PIAS2: variants seen among roughly 807,000 people sequenced by gnomAD.
PIAS2 encodes the protein E3 SUMO-protein ligase PIAS2.
A neutral mutation model predicts 69.7 loss-of-function variants in PIAS2; 19 were observed. The ratio of observed to expected loss-of-function variants is 0.27; its 90% CI spans 0.19 to 0.40. The LOEUF is 0.40. Among genes scored for constraint, PIAS2 ranks in the 10% least tolerant of loss-of-function variants. The probability of loss-of-function intolerance (pLI) is 1.00; values close to 1 mark genes in which losing one functional copy is unlikely to be tolerated. For missense variants in PIAS2, 624 were observed against 757.0 expected (o/e 0.82, Z 2.06); for synonymous variants, 261 against 263.2 (o/e 0.99, Z 0.08).
intron 3 of PIAS2, among the ~76,000 whole-genome samples, chr18:46,861,117 T>C (rs1012731195): frequency 6.6e-6 from 1 of 151,688 alleles, no homozygotes; most frequent in African/African-American, 2.4e-5. Flanking sequence ...CTTTCTCTAC[T>C]AAAAATACAA....
intron 11 of PIAS2, chr18:46,826,806 T>C (rs1460607110): frequency 6.6e-6 from 1 of 152,140 alleles, no homozygotes; most frequent in African/African-American, 2.4e-5. Flanking sequence ...AAATTATATT[T>C]GGAAATGTAA....
At chr18:46,904,769 A>C (rs1490483539) in intron 1 of PIAS2, among the ~76,000 whole-genome samples, 1 of 151,716 alleles carries the variant, frequency 6.6e-6, no homozygotes, top group African/African-American at 2.4e-5. Context: ...AAAAAAAAAA[A>C]ACAGAGATGG....
chr18:46,884,656 C>G (rs1048473398), intron 2 of PIAS2, among the ~76,000 whole-genome samples: 5 of 152,062 alleles, frequency 3.3e-5, no homozygotes, highest in Admixed American at 3.3e-4. Flanking sequence ...TGGCTCACGC[C>G]TGTAATCCCA....
chr18:46,880,395 A>C (rs1483221676), intron 2 of PIAS2, among the ~76,000 whole-genome samples: 1 of 152,118 alleles, frequency 6.6e-6, no homozygotes, highest in East Asian at 1.9e-4. Context: ...AAAAAAAACA[A>C]AACAAAACAA....
Position 46,807,054 on chromosome 18 carries a change from T to C in PIAS2, c.*5379A>G, listed in dbSNP as rs1345342669. ...AACAGGCAATGTTTGCCTGTTTTTA[T>C]AGCTTTTAGCCTTACCACTTTTCAG... On this transcript the variant is annotated 3_prime_UTR_variant, in exon 14 of 14. Transcript: ENST00000585916. 2 of 150,832 alleles carry C rather than the reference T, an allele frequency of 1.3e-5. No homozygotes were observed. Among genetic ancestry groups the C allele is most frequent in the African/African-American group, 2.4e-5 (1 of 41,028 alleles). 9.3% of individuals were successfully genotyped at this position (150,832 alleles called of 1,614,324 possible).
chr18:46,848,791 G>C (rs556808992), intron 5 of PIAS2, among the ~76,000 whole-genome samples: 1 of 146,876 alleles, frequency 6.8e-6, no homozygotes, highest in Non-Finnish European at 1.5e-5. Context: ...GTGTGTGTGA[G>C]AGAGAGAGAG....
At chr18:46,820,539 T>C (rs1033675673) in intron 12 of PIAS2, among the ~76,000 whole-genome samples, 2 of 152,114 alleles carry the variant, frequency 1.3e-5, no homozygotes, top group Non-Finnish European at 2.9e-5. Context: ...CCACAGCTTG[T>C]AGGAAAAATC....
rs776034701 is a variant in PIAS2 at position 46,812,548 on chromosome 18, G to A, written c.1751C>T (p.Thr584Ile). 1.9e-6 allele frequency: 3 copies of A among 1,612,904 alleles called. No homozygotes were observed. The Admixed American group carries it at 5.0e-5, about 27-fold the overall frequency. Residue 584 changes from threonine to isoleucine, a missense_variant, in exon 14 of 14, where the codon ACC becomes ATC. Around this residue, in one of 3 missense-constraint regions of PIAS2, gnomAD observed 241 missense variants for 257.3 expected, o/e 0.94. Coordinates refer to ENST00000585916, the MANE Select transcript of PIAS2 (RefSeq NM_004671.5). Reference protein sequence around the residue: ...SPLTASSTSVTTTSSHESSTH... With the variant: ...SPLTASSTSVITTSSHESSTH... ...ACTGCTTTCATGGGAGCTGGTGGTG[G>A]TGACAGACGTACTGCTTGCTGTTAA...
intron 12 of PIAS2, chr18:46,816,056 G>A: frequency 1.0e-6 from 1 of 984,436 alleles, no homozygotes; most frequent in Non-Finnish European, 1.2e-6. Flanking sequence ...GGTCTGAAAA[G>A]TCTAGTAATA....
intron 12 of PIAS2, chr18:46,818,301 A>G (rs1461236957): frequency 7.1e-7 from 1 of 1,403,740 alleles, no homozygotes; most frequent in Non-Finnish European, 9.3e-7. Flanking sequence ...ACTAGCAATA[A>G]TAAGGCAGTC....
At chr18:46,916,458 T>C (rs1324668577) in intron 1 of PIAS2, among the ~76,000 whole-genome samples, 1 of 152,022 alleles carries the variant, frequency 6.6e-6, no homozygotes, top group East Asian at 1.9e-4. Flanking sequence ...ATGTCGCCAG[T>C]AATTCAGCGA....
At chr18:46,861,266 T>G (rs1568574868) in intron 3 of PIAS2, among the ~76,000 whole-genome samples, 1 of 151,444 alleles carries the variant, frequency 6.6e-6, no homozygotes, top group African/African-American at 2.4e-5. Flanking sequence ...AATGAATGAA[T>G]GAAAGAAAGA....
intron 8 of PIAS2, among the ~76,000 whole-genome samples, chr18:46,838,236 G>A (rs138199148): frequency 6.6e-6 from 1 of 152,142 alleles, no homozygotes; most frequent in Non-Finnish European, 1.5e-5. Context: ...TTCTACCTAC[G>A]TGCAAGGTAC....
Position 46,807,677 on chromosome 18 carries a change from G to T in PIAS2, c.*4756C>A, listed in dbSNP as rs145487805. The T allele has an allele frequency of 3.3e-5, 5 of 152,180 alleles. No homozygotes were observed. In the East Asian group the frequency reaches 9.7e-4, roughly 29 times the overall value. 9.4% of individuals were successfully genotyped at this position (152,180 alleles called of 1,614,324 possible). A position where few individuals can be genotyped will look rare whatever the true frequency, so the allele number is the denominator to read the frequency against. ...CTCCCAAAGTGCTGGGATTACAGGCGTGAGCCTCCATACCCGGCCCATGTC... is the reference window on the plus strand; with the variant it reads ...CTCCCAAAGTGCTGGGATTACAGGCTTGAGCCTCCATACCCGGCCCATGTC... On this transcript the variant is annotated 3_prime_UTR_variant, in exon 14 of 14. Transcript: ENST00000585916.
rs1480108997 is a variant in PIAS2, at chr18:46,805,755, C to G, written c.*6678G>C. 1 of 152,138 alleles carries G rather than the reference C, an allele frequency of 6.6e-6. No homozygotes were observed. The highest frequency in any genetic ancestry group is 1.9e-4 in the East Asian group (1 of 5,188). 9.4% of individuals were successfully genotyped at this position (152,138 alleles called of 1,614,324 possible). ...ACTGGGGCGTGACTAGAACATAATA[C>G]AGAATGGAGATAAGTGAAGGCAAAA... On this transcript the variant is annotated 3_prime_UTR_variant, in exon 14 of 14. Transcript: ENST00000585916.
At chr18:46,842,347 G>T (rs1305870608) in intron 8 of PIAS2, among the ~76,000 whole-genome samples, 1 of 150,620 alleles carries the variant, frequency 6.6e-6, no homozygotes, top group Non-Finnish European at 1.5e-5. Flanking sequence ...TTTTGTTTTG[G>T]TTGCTCTCAT....
intron 2 of PIAS2, among the ~76,000 whole-genome samples, chr18:46,874,905 T>A (rs2050920646): frequency 6.6e-6 from 1 of 152,126 alleles, no homozygotes; most frequent in South Asian, 2.1e-4. Flanking sequence ...ATCTAGTGCT[T>A]CTAACTACAG....
At chr18:46,879,459 G>A (rs2051817228) in intron 2 of PIAS2, among the ~76,000 whole-genome samples, 1 of 152,168 alleles carries the variant, frequency 6.6e-6, no homozygotes, top group Admixed American at 6.5e-5. Flanking sequence ...CTGCTGGTGG[G>A]GAATGTAAAA....
At chr18:46,893,038 A>C (rs2146024882) in intron 1 of PIAS2, among the ~76,000 whole-genome samples, 1 of 152,254 alleles carries the variant, frequency 6.6e-6, no homozygotes, top group African/African-American at 2.4e-5. Context: ...GTAGCTCTAA[A>C]TCATACTCTA....
Sources: gnomAD v4.1 joint callset for allele counts (sites outside exome capture counted in the v4.1 genomes callset) on GRCh38, gnomAD v4.1.1 for gene constraint, gnomAD v4.1.1 regional missense constraint, MANE v1.5 for transcripts, NCBI Gene and HGNC (gene_info 2026-07-23, HGNC 2026-07-21) for gene names.